The following PTPRD variants were observed in gnomAD, a reference collection of about 807,000 sequenced individuals.
PTPRD encodes the protein receptor-type tyrosine-protein phosphatase delta.
In PTPRD, 34 loss-of-function variants were observed where a neutral mutation model predicts 214.5. The observed-to-expected ratio is 0.16, with a 90% CI of 0.12 to 0.21. The LOEUF (loss-of-function observed/expected upper bound fraction) is 0.21, where lower values mean the gene tolerates loss of function less well. Ranked by LOEUF, PTPRD falls within the 10% of genes least tolerant of loss-of-function variation. The probability of loss-of-function intolerance (pLI) is 1.00; values close to 1 mark genes in which losing one functional copy is unlikely to be tolerated. For missense variants in PTPRD, 2,545 were observed against 2,398.7 expected (o/e 1.06, Z -1.27); for synonymous variants, 1,128 against 845.7 (o/e 1.33, Z -5.79).
chr9:8,476,124 T>A (rs2096759343), intron 30 of PTPRD, among the ~76,000 whole-genome samples: 2 of 152,254 alleles, frequency 1.3e-5, no homozygotes, highest in Middle Eastern at 6.8e-3. Context: ...TTCCGAGCCT[T>A]TTTGGCACCA....
chr9:10,422,458 T>C (rs1231130238), intron 2 of PTPRD, among the ~76,000 whole-genome samples: 2 of 151,662 alleles, frequency 1.3e-5, no homozygotes, highest in East Asian at 1.9e-4. Context: ...AATAGACAAA[T>C]GGGATCTAAT....
chr9:8,546,423 C>T (rs61229557), intron 14 of PTPRD, among the ~76,000 whole-genome samples: 6,685 of 152,218 alleles, frequency 0.044, 446 homozygotes, highest in African/African-American at 0.15. Context: ...TTGACTATAT[C>T]CTCGTTCTCA....
At chr9:8,388,607 C>T (rs552339818) in intron 37 of PTPRD, among the ~76,000 whole-genome samples, 10 of 152,144 alleles carry the variant, frequency 6.6e-5, no homozygotes, top group South Asian at 2.1e-4. Flanking sequence ...TGGACCCATA[C>T]GATGAATAAA....
At chr9:9,266,142 A>G (rs1051822220) in intron 9 of PTPRD, among the ~76,000 whole-genome samples, 46 of 151,730 alleles carry the variant, frequency 3.0e-4, no homozygotes, top group African/African-American at 8.4e-4. Context: ...CAAGACAAAG[A>G]AAGTCATTTT....
At chr9:10,234,456 A>G in intron 3 of PTPRD, among the ~76,000 whole-genome samples, 1 of 151,914 alleles carries the variant, frequency 6.6e-6, no homozygotes, top group East Asian at 1.9e-4. Flanking sequence ...ATTTTAGTTC[A>G]TTAACTAGAG....
intron 3 of PTPRD, among the ~76,000 whole-genome samples, chr9:10,246,862 C>G (rs907539024): frequency 6.6e-6 from 1 of 150,990 alleles, no homozygotes; most frequent in Non-Finnish European, 1.5e-5. Flanking sequence ...CCATTGCACT[C>G]CAGTCTGGGC....
rs901183255 is a variant in PTPRD, at chr9:9,453,295, C to T, written c.-236-55813G>A. ...TAATCATTCCATGCGGTTGCATATT[C>T]AGAGGCTGCCACATTTATATTAATA... is the stretch of plus-strand genomic sequence containing the variant. On this transcript the variant is annotated intron_variant, in intron 8 of 45. Transcript: ENST00000381196. Among the ~76,000 whole-genome samples, 4 of 151,508 alleles carry T rather than the reference C, an allele frequency of 2.6e-5. No homozygotes were observed. In the Admixed American group the frequency reaches 2.6e-4, roughly 10 times the overall value.
chr9:10,370,445 G>A (rs1159199749), intron 2 of PTPRD, among the ~76,000 whole-genome samples: 1 of 152,058 alleles, frequency 6.6e-6, no homozygotes, highest in Non-Finnish European at 1.5e-5. Flanking sequence ...CTCTGACATA[G>A]TACAATACTT....
chr9:9,144,893 CT>C (rs1231486466), intron 10 of PTPRD, among the ~76,000 whole-genome samples: 7 of 152,238 alleles, frequency 4.6e-5, no homozygotes, highest in Admixed American at 2.0e-4. Flanking sequence ...TTAATTGCAT[CT>C]TTAAAGTATT....
At chr9:9,760,272 A>G (rs2098640586) in intron 6 of PTPRD, among the ~76,000 whole-genome samples, 1 of 152,080 alleles carries the variant, frequency 6.6e-6, no homozygotes, top group Non-Finnish European at 1.5e-5. Flanking sequence ...AAACCACTCA[A>G]ATGCTGGTAG....
At chr9:9,646,343 GGGT>G (rs2096174130) in intron 7 of PTPRD, among the ~76,000 whole-genome samples, 17 of 147,170 alleles carry the variant, frequency 1.2e-4, no homozygotes, top group Non-Finnish European at 1.6e-4. Flanking sequence ...GTGTGTGTGT[GGGT>G]GTGTGTGTGT....
At chr9:9,780,096 T>C (rs947540770) in intron 5 of PTPRD, among the ~76,000 whole-genome samples, 2 of 152,176 alleles carry the variant, frequency 1.3e-5, no homozygotes, top group African/African-American at 4.8e-5. Context: ...AGGTAGGAAA[T>C]CACATTCTTT....
intron 3 of PTPRD, among the ~76,000 whole-genome samples, chr9:10,243,945 T>G (rs1431939824): frequency 1.3e-5 from 2 of 152,080 alleles, no homozygotes; most frequent in East Asian, 3.9e-4. Context: ...TCATTTGTTG[T>G]ATAACACTAG....
intron 2 of PTPRD, among the ~76,000 whole-genome samples, chr9:10,488,230 G>A (rs1027053783): frequency 1.6e-4 from 24 of 152,020 alleles, no homozygotes; most frequent in African/African-American, 3.9e-4. Context: ...AGCTGGGCGC[G>A]GTGGCGGGCG....
At chr9:8,496,171 A>ACAC (rs2097262053) in intron 26 of PTPRD, among the ~76,000 whole-genome samples, 1 of 135,022 alleles carries the variant, frequency 7.4e-6, no homozygotes, top group African/African-American at 2.7e-5. Context: ...CCAACTCTCC[A>ACAC]ACACACACAC....
chr9:10,074,775 G>C (rs548982383), intron 3 of PTPRD, among the ~76,000 whole-genome samples: 2 of 152,232 alleles, frequency 1.3e-5, no homozygotes, highest in African/African-American at 2.4e-5. Flanking sequence ...GGAAGGAAAT[G>C]ATAAGCTCTG....
At chr9:8,934,738 C>T (rs2098984891) in intron 11 of PTPRD, among the ~76,000 whole-genome samples, 1 of 150,624 alleles carries the variant, frequency 6.6e-6, no homozygotes, top group Admixed American at 6.7e-5. Context: ...ATAACGGAAA[C>T]TTTTTATCCT....
chr9:10,612,940 G>C lies in PTPRD; in HGVS notation c.-960C>G, dbSNP rs2081369950. ...CGGGCGCGGCTGGGCGGGGAGCCGA[G>C]GCGGCCGCTCCCGCACTCGCTCGCT... On this transcript the variant is annotated 5_prime_UTR_variant, in exon 1 of 46. Coordinates refer to ENST00000381196, the MANE Select transcript of PTPRD (RefSeq NM_002839.4). 6.6e-6 allele frequency among the ~76,000 whole-genome samples: 1 copy of C among 151,292 alleles called. No homozygotes were observed. Among genetic ancestry groups the C allele is most frequent in the African/African-American group, 2.4e-5 (1 of 41,280 alleles).
intron 11 of PTPRD, among the ~76,000 whole-genome samples, chr9:8,949,236 A>C (rs1225277028): frequency 6.6e-6 from 1 of 151,916 alleles, no homozygotes. Flanking sequence ...AAAAAGAAAA[A>C]AAAGAAAAAA....
Sources: allele counts gnomAD v4.1 joint callset (sites outside exome capture counted in the v4.1 genomes callset), GRCh38; gene constraint gnomAD v4.1.1; transcripts MANE v1.5; gene names NCBI Gene and HGNC (gene_info 2026-07-23, HGNC 2026-07-21).